The following INPP5D variants were observed in gnomAD, a reference collection of about 807,000 sequenced individuals.
INPP5D encodes the protein phosphatidylinositol 3,4,5-trisphosphate 5-phosphatase 1.
Under a neutral mutation model 122.9 loss-of-function variants are expected in INPP5D, and 33 were observed. The ratio of observed to expected loss-of-function variants is 0.27; its 90% confidence interval spans 0.20 to 0.36. INPP5D has a LOEUF of 0.36. Ranked by LOEUF, INPP5D falls within the 10% of genes least tolerant of loss-of-function variation. INPP5D has a pLI of 1.00. For missense variants in INPP5D, 1,053 were observed against 1,412.7 expected (o/e 0.75, Z 4.08); for synonymous variants, 584 against 576.2 (o/e 1.01, Z -0.19).
intron 2 of INPP5D, among the ~76,000 whole-genome samples, chr2:233,087,652 A>G (rs976865407): frequency 6.4e-4 from 97 of 152,262 alleles, no homozygotes; most frequent in African/African-American, 2.2e-3. Flanking sequence ...ATACATTTTT[A>G]TATTGACTTA....
intron 1 of INPP5D, among the ~76,000 whole-genome samples, chr2:233,070,773 C>G (rs1691359232): frequency 6.6e-6 from 1 of 152,072 alleles, no homozygotes; most frequent in South Asian, 2.1e-4. Flanking sequence ...TCCACTGGGC[C>G]CTGGTTCCCC....
In INPP5D at chr2:233,197,982, T is replaced by C. The variant is rs1404209554; in HGVS notation, c.2694-113T>C. ...GATCACTGCCCAAGAGGTGAAGGAG[T>C]TGAGGAGAGCTCGAGAGAGCCCTAG... On this transcript the variant is annotated intron_variant, in intron 24 of 26. Coordinates refer to ENST00000445964, the MANE Select transcript of INPP5D (RefSeq NM_001017915.3). The surrounding 1 kb of genome is among the most constrained non-coding windows in gnomAD (Gnocchi z 4.4). The C allele has an allele frequency of 1.5e-6, 2 of 1,375,062 alleles. No individual in the cohort carries two copies. The highest frequency in any genetic ancestry group is 2.9e-5 in the African/African-American group (2 of 67,980). 85.2% of individuals were successfully genotyped at this position (1,375,062 alleles called of 1,614,324 possible).
rs34084880 is a variant in INPP5D, at chr2:233,116,248, G to GATAGATAGATAGATAGATATAGAT, written c.199-5852_199-5851insGATAGATAGATATAGATATAGATA. ...ATGTAGATAGATAGATAGATAGATA[G>GATAGATAGATAGATAGATATAGAT]ATAGATATAGATATAGATATAGATA... On this transcript the variant is annotated intron_variant, in intron 2 of 26. Transcript: ENST00000445964. 3.7e-3 allele frequency among the ~76,000 whole-genome samples: 494 copies of GATAGATAGATAGATAGATATAGAT among 135,222 alleles called. 2 individuals carry two copies. Among genetic ancestry groups the GATAGATAGATAGATAGATATAGAT allele is most frequent in the East Asian group, 0.024 (115 of 4,740 alleles). The allele number at this position is 135,222 out of a possible 152,430, so 88.7% of individuals were successfully genotyped here. A position where few individuals can be genotyped will look rare whatever the true frequency, so the allele number is the denominator to read the frequency against.
At position 233,160,107 on chromosome 2, in the gene INPP5D, T is replaced by G. The variant is rs527326921; in HGVS notation, c.1138-1617T>G. Among the ~76,000 whole-genome samples the G allele has an allele frequency of 6.8e-4, 104 of 152,328 alleles. 1 individual carries two copies. Among genetic ancestry groups the G allele is most frequent in the African/African-American group, 2.4e-3 (98 of 41,570 alleles). On this transcript the variant is annotated intron_variant, in intron 10 of 26. Coordinates refer to ENST00000445964, the MANE Select transcript of INPP5D (RefSeq NM_001017915.3). This position sits in a 1 kb window ranked among gnomAD's most constrained non-coding sequence, Gnocchi z 4.2. ...AGGGATAAATGGAGGCCATGAATCT[T>G]GAGCCACTCCCAACTCGAGGCAGGT...
At position 233,188,973 on chromosome 2, in the gene INPP5D, T is replaced by C. The variant is rs1694985761; in HGVS notation, c.2359-877T>C. Among the ~76,000 whole-genome samples, 1 of 152,204 alleles carries C rather than the reference T, an allele frequency of 6.6e-6. No individual in the cohort carries two copies. The highest frequency in any genetic ancestry group is 1.5e-5 in the Non-Finnish European group (1 of 68,030). Reference sequence around the variant, plus strand: ...CTGGAAAGGAAGGGAGGGAATCGCCTAGAACAAAGTATCACCTTTTTATTT... The same window carrying C: ...CTGGAAAGGAAGGGAGGGAATCGCCCAGAACAAAGTATCACCTTTTTATTT... On this transcript the variant is annotated intron_variant, in intron 21 of 26. Transcript: ENST00000445964. The surrounding 1 kb of genome is among the most constrained non-coding windows in gnomAD (Gnocchi z 4.7).
At chr2:233,199,153 G>T (rs544020943) in intron 25 of INPP5D, among the ~76,000 whole-genome samples, 12 of 151,910 alleles carry the variant, frequency 7.9e-5, no homozygotes, top group Non-Finnish European at 1.2e-4. Context: ...CAGGAGAATC[G>T]CTTGAGCCCA....
At chr2:233,111,454 C>T (rs1423068227) in intron 2 of INPP5D, among the ~76,000 whole-genome samples, 1 of 152,186 alleles carries the variant, frequency 6.6e-6, no homozygotes, top group Non-Finnish European at 1.5e-5. Context: ...CCTTCAGTGT[C>T]CTTTAATTGG....
intron 4 of INPP5D, 53 bp from the exon 5 acceptor site, chr2:233,130,455 G>A (rs746684299): frequency 9.5e-4 from 1,513 of 1,589,218 alleles, no homozygotes; most frequent in Non-Finnish European, 1.2e-3. Flanking sequence ...CATTGGTGAT[G>A]GTGGCTAAAA....
In INPP5D at chr2:233,185,717, A is replaced by T. The variant is rs1465598146; in HGVS notation, c.2276-126A>T. ...AAATGATGCTGAGGCCCCGAGATAA[A>T]AAAAAAAAAAAAAAAAAAAAGGAGA... On this transcript the variant is annotated intron_variant, in intron 20 of 26. Transcript: ENST00000445964. 7.0e-4 allele frequency: 341 copies of T among 486,224 alleles called. 1 individual carries two copies. The highest frequency in any genetic ancestry group is 5.6e-3 in the African/African-American group (250 of 44,276). 30.1% of individuals were successfully genotyped at this position (486,224 alleles called of 1,614,324 possible). A position where few individuals can be genotyped will look rare whatever the true frequency, so the allele number is the denominator to read the frequency against.
chr2:233,170,473 G>A lies in INPP5D; in HGVS notation c.1792-23G>A, dbSNP rs768051773. The A allele has an allele frequency of 6.2e-7, 1 of 1,613,552 alleles. No homozygotes were observed. ...GGATCAGCAGGGCTTCTCACCAGAGGCCCGGGCATGTTCTTGTTCCAGGAG... is the reference window on the plus strand; with the variant it reads ...GGATCAGCAGGGCTTCTCACCAGAGACCCGGGCATGTTCTTGTTCCAGGAG... On this transcript the variant is annotated intron_variant, in intron 15 of 26. Transcript: ENST00000445964. This position sits in a 1 kb window ranked among gnomAD's most constrained non-coding sequence, Gnocchi z 4.5.
chr2:233,161,696 C>T (rs755342582), intron 10 of INPP5D, 28 bp from the exon 11 acceptor site: 1 of 1,599,694 alleles, frequency 6.3e-7, no homozygotes, highest in East Asian at 2.3e-5. Context: ...AGAGGCCTTT[C>T]TAAGTCTGTC....
intron 24 of INPP5D, among the ~76,000 whole-genome samples, chr2:233,196,250 C>T (rs907908225): frequency 2.0e-5 from 3 of 152,196 alleles, no homozygotes; most frequent in Non-Finnish European, 4.4e-5. Context: ...TGCTCTCCTG[C>T]CTCCTCTGCG....
At chr2:233,123,343 A>G (rs1254496016) in intron 3 of INPP5D, among the ~76,000 whole-genome samples, 4 of 152,032 alleles carry the variant, frequency 2.6e-5, no homozygotes. Context: ...AGTTCCAGCT[A>G]CTTGGGAGGC....
intron 13 of INPP5D, among the ~76,000 whole-genome samples, chr2:233,168,005 C>CAAAAAAAAAAAAA (rs58025565): frequency 1.4e-5 from 1 of 72,712 alleles, no homozygotes; most frequent in Non-Finnish European, 2.5e-5. Flanking sequence ...ACTCTGTCTC[C>CAAAAAAAAAAAAA]AAAAAAAAAA....
Position 233,207,019 on chromosome 2 carries a change from G to T in INPP5D, c.*311G>T. 1 of 342,620 alleles carries T rather than the reference G, an allele frequency of 2.9e-6. No individual in the cohort carries two copies. Among genetic ancestry groups the T allele is most frequent in the South Asian group, 4.0e-5 (1 of 25,232 alleles). The allele number at this position is 342,620 out of a possible 1,614,324, so 21.2% of individuals were successfully genotyped here. On this transcript the variant is annotated 3_prime_UTR_variant, in exon 27 of 27. Transcript: ENST00000445964. The surrounding 1 kb of genome is among the most constrained non-coding windows in gnomAD (Gnocchi z 4.6). ...CCATTCTGAAGAAAGGAACTGCAGCGCCGATTTGAGGGTGGAGATATAGAT... is the reference window on the plus strand; with the variant it reads ...CCATTCTGAAGAAAGGAACTGCAGCTCCGATTTGAGGGTGGAGATATAGAT...
At chr2:233,089,706 G>A (rs978632401) in intron 2 of INPP5D, among the ~76,000 whole-genome samples, 5 of 152,172 alleles carry the variant, frequency 3.3e-5, no homozygotes, top group Admixed American at 1.3e-4. Context: ...AGAGATTCCC[G>A]GCAGCTCATT....
chr2:233,084,526 C>G (rs1013892913), intron 2 of INPP5D, among the ~76,000 whole-genome samples: 1 of 152,230 alleles, frequency 6.6e-6, no homozygotes, highest in Non-Finnish European at 1.5e-5. Flanking sequence ...CTGACGGTGG[C>G]TGTCACGTAT....
At chr2:233,163,331 C>T (rs1298511621) in intron 11 of INPP5D, among the ~76,000 whole-genome samples, 3 of 152,166 alleles carry the variant, frequency 2.0e-5, no homozygotes, top group Non-Finnish European at 4.4e-5. Context: ...GGGTTAGAAC[C>T]CGCCATCTAA....
chr2:233,163,925 G>T (rs1694257733), intron 12 of INPP5D, 22 bp downstream of exon 12: 10 of 1,610,918 alleles, frequency 6.2e-6, no homozygotes, highest in Non-Finnish European at 8.5e-6. Context: ...GCTGCACGCT[G>T]GGTGGGCTTC....
Sources: allele counts gnomAD v4.1 joint callset (sites outside exome capture counted in the v4.1 genomes callset), GRCh38; gene constraint gnomAD v4.1.1; non-coding constraint Gnocchi (gnomAD v3.1); transcripts MANE v1.5; gene names NCBI Gene and HGNC (gene_info 2026-07-23, HGNC 2026-07-21).